Variants in EYS observed in about 807,000 individuals in gnomAD.
The protein encoded by EYS is protein eyes shut homolog.
Under a neutral mutation model 282.1 loss-of-function variants are expected in EYS, and 250 were observed. That is an observed-to-expected ratio of 0.89 (90% CI 0.80 to 0.98). The LOEUF (loss-of-function observed/expected upper bound fraction) is 0.98. Ranked by LOEUF, EYS falls within the 50% of genes least tolerant of loss-of-function variation. The pLI is 0.00. For synonymous variants in EYS, 1,355 were observed against 1,282.9 expected (o/e 1.06, Z -1.20); for missense variants, 4,016 against 3,709.0 (o/e 1.08, Z -2.15).
intron 41 of EYS, among the ~76,000 whole-genome samples, chr6:63,743,644 T>G (rs1043903042): frequency 1.3e-5 from 2 of 152,218 alleles, no homozygotes; most frequent in Non-Finnish European, 2.9e-5. Context: ...GCTAATTTGA[T>G]GCACCGTTTG....
chr6:65,132,151 T>TA, intron 12 of EYS, among the ~76,000 whole-genome samples: 1 of 151,498 alleles, frequency 6.6e-6, no homozygotes, highest in Non-Finnish European at 1.5e-5. Flanking sequence ...AAGGAAGAGC[T>TA]GATTCCTACT....
rs79362745 is a variant in EYS, at chr6:64,211,751, G to A, written c.6424+18841C>T. Among the ~76,000 whole-genome samples the A allele has an allele frequency of 8.0e-3, 1,205 of 150,040 alleles. 9 individuals are homozygous for A. Among genetic ancestry groups the A allele is most frequent in the African/African-American group, 0.022 (903 of 41,080 alleles). On this transcript the variant is annotated intron_variant, in intron 31 of 42. Transcript: ENST00000503581. ...ATATATATAAAATGTATCCATAGATGTTTACAGCCTTTTGTAATTTATAAT... is the reference window on the plus strand; with the variant it reads ...ATATATATAAAATGTATCCATAGATATTTACAGCCTTTTGTAATTTATAAT...
At chr6:64,658,615 T>A (rs1293256225) in intron 22 of EYS, among the ~76,000 whole-genome samples, 1 of 152,184 alleles carries the variant, frequency 6.6e-6, no homozygotes, top group Admixed American at 6.5e-5. Flanking sequence ...TTGCTGGAGA[T>A]CCACTCCAGA....
intron 19 of EYS, among the ~76,000 whole-genome samples, chr6:64,834,040 C>T (rs2150030017): frequency 6.6e-6 from 1 of 151,972 alleles, no homozygotes; most frequent in South Asian, 2.1e-4. Context: ...AGGTTAGGCA[C>T]AGACACATTC....
At chr6:64,820,685 T>C (rs568297437) in intron 21 of EYS, among the ~76,000 whole-genome samples, 1 of 152,292 alleles carries the variant, frequency 6.6e-6, no homozygotes, top group East Asian at 1.9e-4. Context: ...ATTATTTTTA[T>C]TGAATAGTCA....
chr6:65,241,573 T>C (rs975653322), intron 12 of EYS, among the ~76,000 whole-genome samples: 5 of 152,090 alleles, frequency 3.3e-5, no homozygotes, highest in Non-Finnish European at 7.4e-5. Context: ...TTTATAATAA[T>C]TTATATCTGC....
chr6:65,627,014 CCTTTCTTTCTTTCT>C (rs1212468140), intron 2 of EYS, among the ~76,000 whole-genome samples: 2 of 151,442 alleles, frequency 1.3e-5, no homozygotes, highest in African/African-American at 2.4e-5. Context: ...CTCTCTCTGC[CCTTTCTTTCTTTCT>C]CTTTCTTTCT....
chr6:63,835,855 TA>T (rs1771791452), intron 36 of EYS, among the ~76,000 whole-genome samples: 1 of 152,096 alleles, frequency 6.6e-6, no homozygotes, highest in African/African-American at 2.4e-5. Flanking sequence ...TTTGGCTATT[TA>T]AAACTTCTTA....
At chr6:64,858,065 A>C (rs1036908960) in intron 19 of EYS, among the ~76,000 whole-genome samples, 1 of 152,042 alleles carries the variant, frequency 6.6e-6, no homozygotes, top group African/African-American at 2.4e-5. Context: ...TCACTTTATT[A>C]ATTAGTTCCT....
intron 28 of EYS, among the ~76,000 whole-genome samples, chr6:64,389,459 T>C (rs1044952921): frequency 2.6e-5 from 4 of 152,208 alleles, no homozygotes; most frequent in African/African-American, 9.6e-5. Context: ...ACTCTAGCCA[T>C]ATGTTTAACT....
At position 64,029,346 on chromosome 6, in the gene EYS, G is replaced by A. The variant is rs148355100; in HGVS notation, c.6726-30163C>T. Among the ~76,000 whole-genome samples the A allele has an allele frequency of 7.9e-5, 12 of 152,344 alleles. No homozygotes were observed. The East Asian group carries it at 1.7e-3, about 22-fold the overall frequency. On this transcript the variant is annotated intron_variant, in intron 33 of 42. Transcript: ENST00000503581. Reference sequence around the variant, plus strand: ...TCACTGTTTAAGGGTAGTTGCAGCAGTGGCCATCTTAGTGTCAGAGGCTAT... The same window carrying A: ...TCACTGTTTAAGGGTAGTTGCAGCAATGGCCATCTTAGTGTCAGAGGCTAT...
intron 31 of EYS, among the ~76,000 whole-genome samples, chr6:64,192,843 A>G (rs1765157963): frequency 6.6e-6 from 1 of 152,146 alleles, no homozygotes; most frequent in South Asian, 2.1e-4. Flanking sequence ...TCCCATGTGG[A>G]TAACTAATTG....
At chr6:64,440,884 T>C (rs1479470326) in intron 26 of EYS, among the ~76,000 whole-genome samples, 1 of 152,150 alleles carries the variant, frequency 6.6e-6, no homozygotes, top group Non-Finnish European at 1.5e-5. Context: ...TTAAAAACTA[T>C]GGATGAATTT....
intron 5 of EYS, among the ~76,000 whole-genome samples, chr6:65,470,922 A>C (rs970840096): frequency 6.6e-6 from 1 of 152,092 alleles, no homozygotes; most frequent in Non-Finnish European, 1.5e-5. Context: ...GCAGATCATG[A>C]GGTCAGGAGT....
intron 7 of EYS, among the ~76,000 whole-genome samples, chr6:65,391,769 C>T (rs1766044871): frequency 6.6e-6 from 1 of 152,046 alleles, no homozygotes; most frequent in South Asian, 2.1e-4. Flanking sequence ...AGATTCAATG[C>T]CATCCCCATC....
At chr6:64,094,069 G>C (rs139335900) in intron 31 of EYS, among the ~76,000 whole-genome samples, 140 of 152,194 alleles carry the variant, frequency 9.2e-4, no homozygotes, top group African/African-American at 3.3e-3. Flanking sequence ...ATTGATTTGC[G>C]TATGTGGAAC....
At chr6:64,572,012 C>T (rs548791169) in intron 26 of EYS, among the ~76,000 whole-genome samples, 1 of 152,092 alleles carries the variant, frequency 6.6e-6, no homozygotes, top group Non-Finnish European at 1.5e-5. Context: ...CCCTGATGAA[C>T]ATCAATGCAA....
intron 28 of EYS, among the ~76,000 whole-genome samples, chr6:64,410,647 A>T (rs1773859455): frequency 6.6e-6 from 1 of 152,178 alleles, no homozygotes; most frequent in African/African-American, 2.4e-5. Flanking sequence ...ATTTGTGAGG[A>T]AAGCATGTTT....
At chr6:64,493,375 G>GAACA (rs1475860492) in intron 26 of EYS, among the ~76,000 whole-genome samples, 5 of 151,298 alleles carry the variant, frequency 3.3e-5, no homozygotes, top group African/African-American at 1.2e-4. Context: ...TTATAAATAA[G>GAACA]AACAGGCAAA....
Sources: gnomAD v4.1 joint callset for allele counts (sites outside exome capture counted in the v4.1 genomes callset) on GRCh38, gnomAD v4.1.1 for gene constraint, MANE v1.5 for transcripts, NCBI Gene and HGNC (gene_info 2026-07-23, HGNC 2026-07-21) for gene names.